Variants in GNPDA2 observed in about 807,000 individuals in gnomAD.
The protein encoded by GNPDA2 is glucosamine-6-phosphate deaminase 2.
In GNPDA2, 24 loss-of-function variants were observed where a neutral mutation model predicts 27.0. That is an observed-to-expected ratio of 0.89 (90% CI 0.64 to 1.25). The LOEUF (loss-of-function observed/expected upper bound fraction) is 1.25, where lower values mean the gene tolerates loss of function less well. Ranked by LOEUF, GNPDA2 falls within the 50% of genes most tolerant of loss-of-function variation. The probability of loss-of-function intolerance (pLI) is 0.00; values close to 1 mark genes in which losing one functional copy is unlikely to be tolerated. For missense variants in GNPDA2, 286 were observed against 335.1 expected (o/e 0.85, Z 1.14); for synonymous variants, 94 against 108.4 (o/e 0.87, Z 0.83).
chr4:44,719,333 G>C (rs1717524035), intron 2 of GNPDA2, among the ~76,000 whole-genome samples: 1 of 151,570 alleles, frequency 6.6e-6, no homozygotes, highest in South Asian at 2.1e-4. Flanking sequence ...TCCAACCCAA[G>C]TATTATACAG....
rs749581413 is a variant in GNPDA2 at position 44,711,072 on chromosome 4, A to G, written c.475T>C (p.Leu159=). Residue 159 remains leucine, a synonymous_variant, in exon 5 of 7, where the codon TTA becomes CTA. Transcript: ENST00000295448. ...ATGGTATCCATTGCTAGAGTCTTTA[A>G]TCTTGTCCTTGACACTAAACTGGAT... ...PGSSLVSRTR[L]KTLAMDTILA... 1 of 1,612,972 alleles carries G rather than the reference A, an allele frequency of 6.2e-7. No homozygotes were observed.
chr4:44,712,274 C>T (rs961919792), intron 4 of GNPDA2, among the ~76,000 whole-genome samples: 1 of 152,082 alleles, frequency 6.6e-6, no homozygotes, highest in African/African-American at 2.4e-5. Flanking sequence ...TTATATTCTG[C>T]ATATTTACTT....
chr4:44,710,972 G>A lies in GNPDA2; in HGVS notation c.575C>T (p.Thr192Ile), dbSNP rs1295676501. 1.2e-6 allele frequency: 2 copies of A among 1,606,958 alleles called. No homozygotes were observed. The highest frequency in any genetic ancestry group is 1.7e-6 in the Non-Finnish European group (2 of 1,177,248). The change falls in exon 5 of 7, where the codon ACA (threonine) becomes ATA (isoleucine). Residue 192 changes from threonine (T) to isoleucine (I), a missense_variant. Coordinates refer to ENST00000295448, the MANE Select transcript of GNPDA2 (RefSeq NM_138335.3). ...PTMALTVGVGTVMDAREVMIL... is the reference protein window; with the variant it reads ...PTMALTVGVGIVMDAREVMIL... ...GCTTACTTCTCTAGCATCCATCACTGTCCCCACACCAACAGTTAGAGCCAT... is the reference window on the plus strand; with the variant it reads ...GCTTACTTCTCTAGCATCCATCACTATCCCCACACCAACAGTTAGAGCCAT...
rs1472461450 is a variant in GNPDA2, at chr4:44,711,113, G to A, written c.434C>T (p.Ala145Val). Residue 145 changes from alanine (A) to valine (V), a missense_variant, in exon 5 of 7, where the codon GCT becomes GTT. Coordinates refer to ENST00000295448, the MANE Select transcript of GNPDA2 (RefSeq NM_138335.3). Reference sequence around the variant, plus strand: ...TAAACTGGATCCAGGCTCATTGAAAGCGATATGACCATCTGGACCAATTCC... The same window carrying A: ...TAAACTGGATCCAGGCTCATTGAAAACGATATGACCATCTGGACCAATTCC... ...VGGIGPDGHI[A>V]FNEPGSSLVS... 3.1e-6 allele frequency: 5 copies of A among 1,603,992 alleles called. No individual in the cohort carries two copies. The highest frequency in any genetic ancestry group is 4.3e-6 in the Non-Finnish European group (5 of 1,176,320).
In GNPDA2 at chr4:44,702,979, T is replaced by C; in HGVS notation, c.*102A>G. On this transcript the variant is annotated 3_prime_UTR_variant, in exon 7 of 7. Coordinates refer to ENST00000295448, the MANE Select transcript of GNPDA2 (RefSeq NM_138335.3). ...GACTCGAATGAAAAAATGACAATCTTCAAAATTCCCCATGTTTTGTCATAT... is the reference window on the plus strand; with the variant it reads ...GACTCGAATGAAAAAATGACAATCTCCAAAATTCCCCATGTTTTGTCATAT... 3 of 1,556,906 alleles carry C rather than the reference T, an allele frequency of 1.9e-6. No homozygotes were observed. The South Asian group carries it at 3.7e-5, about 19-fold the overall frequency.
At chr4:44,721,092 T>G (rs1717636746) in intron 2 of GNPDA2, among the ~76,000 whole-genome samples, 1 of 151,124 alleles carries the variant, frequency 6.6e-6, no homozygotes, top group Admixed American at 6.6e-5. Flanking sequence ...CTCACCAAGA[T>G]CTACTGCCCT....
chr4:44,710,602 T>C (rs1279441907), intron 5 of GNPDA2, among the ~76,000 whole-genome samples: 1 of 152,150 alleles, frequency 6.6e-6, no homozygotes. Flanking sequence ...AAAGATGTAG[T>C]GTAACTAGCA....
chr4:44,722,932 A>G (rs1717771763), intron 1 of GNPDA2, among the ~76,000 whole-genome samples: 1 of 152,218 alleles, frequency 6.6e-6, no homozygotes, highest in South Asian at 2.1e-4. Flanking sequence ...CAGAATTCAA[A>G]TTATAACAAT....
intron 1 of GNPDA2, among the ~76,000 whole-genome samples, chr4:44,726,030 T>C (rs916075408): frequency 6.6e-6 from 1 of 152,094 alleles, no homozygotes; most frequent in Non-Finnish European, 1.5e-5. Flanking sequence ...AAGGGTGGCC[T>C]GGCCGCGCGT....
chr4:44,714,393 A>G lies in GNPDA2; in HGVS notation c.409+2720T>C, dbSNP rs1047428088. 1.7e-5 allele frequency: 17 copies of G among 985,316 alleles called. No individual in the cohort carries two copies. The African/African-American group carries it at 2.8e-4, about 16-fold the overall frequency. The allele number at this position is 985,316 out of a possible 1,614,324, so 61.0% of individuals were successfully genotyped here. A position where few individuals can be genotyped will look rare whatever the true frequency, so the allele number is the denominator to read the frequency against. On this transcript the variant is annotated intron_variant, in intron 4 of 6. Coordinates refer to ENST00000295448, the MANE Select transcript of GNPDA2 (RefSeq NM_138335.3). The stretch of plus-strand genomic sequence containing the variant: ...CACGTTTGCCATCAGAGGAGGAATT[A>G]GAACATTTGAGTATGTATTTCCTCC...
chr4:44,705,324 T>C, intron 6 of GNPDA2: 1 of 984,942 alleles, frequency 1.0e-6, no homozygotes, highest in Non-Finnish European at 1.2e-6. Context: ...ACTAAAATGC[T>C]GTAAAATGAG....
chr4:44,717,034 G>T, intron 4 of GNPDA2, 79 bp downstream of exon 4: 1 of 999,694 alleles, frequency 1.0e-6, no homozygotes. Flanking sequence ...ATTACACAAT[G>T]GGAAGATTTA....
At chr4:44,705,229 A>C (rs1716517762) in intron 6 of GNPDA2, 1 of 980,470 alleles carries the variant, frequency 1.0e-6, no homozygotes, top group African/African-American at 1.7e-5. Flanking sequence ...ATTTTGATAT[A>C]CTAGTAACTC....
intron 4 of GNPDA2, 146 bp from the exon 5 acceptor site, chr4:44,711,283 T>TG: frequency 2.0e-6 from 1 of 492,450 alleles, no homozygotes; most frequent in Non-Finnish European, 3.4e-6. Context: ...GTTTCTGTAT[T>TG]GATTCAACAA....
At chr4:44,717,326 T>A (rs1355835581) in intron 3 of GNPDA2, 31 bp from the exon 4 acceptor site, 1 of 1,209,842 alleles carries the variant, frequency 8.3e-7, no homozygotes, top group South Asian at 1.5e-5. Flanking sequence ...AATATAAGTA[T>A]TCCTGAAATA....
intron 2 of GNPDA2, among the ~76,000 whole-genome samples, chr4:44,721,556 T>G (rs1485705692): frequency 6.6e-6 from 1 of 152,086 alleles, no homozygotes; most frequent in Non-Finnish European, 1.5e-5. Context: ...ATGTAATTAC[T>G]GTGATGAAGA....
chr4:44,706,151 T>G (rs908914765), intron 6 of GNPDA2: 5 of 151,840 alleles, frequency 3.3e-5, no homozygotes, highest in African/African-American at 9.7e-5. Context: ...GGATGAAATC[T>G]GAAGGGTTAC....
chr4:44,721,952 T>A, intron 2 of GNPDA2, 132 bp downstream of exon 2: 1 of 666,658 alleles, frequency 1.5e-6, no homozygotes, highest in African/African-American at 1.8e-5. Flanking sequence ...TTCTGGCCTT[T>A]TATACTATGA....
chr4:44,714,266 G>A, intron 4 of GNPDA2: 1 of 982,276 alleles, frequency 1.0e-6, no homozygotes, highest in Non-Finnish European at 1.2e-6. Flanking sequence ...TGAGCCACCG[G>A]ATCCCAGCCC....
Sources: gnomAD v4.1 joint callset for allele counts (sites outside exome capture counted in the v4.1 genomes callset) on GRCh38, gnomAD v4.1.1 for gene constraint, MANE v1.5 for transcripts, NCBI Gene and HGNC (gene_info 2026-07-23, HGNC 2026-07-21) for gene names.